CNTNAP2: variants seen among roughly 807,000 people sequenced by gnomAD.
The protein encoded by CNTNAP2 is contactin-associated protein-like 2.
In CNTNAP2, 98 loss-of-function variants were observed where a neutral mutation model predicts 155.2. The observed-to-expected ratio is 0.63, with a 90% CI of 0.54 to 0.75. The LOEUF (loss-of-function observed/expected upper bound fraction) is 0.75. Ranked by LOEUF, CNTNAP2 falls within the 30% of genes least tolerant of loss-of-function variation. CNTNAP2 has a pLI of 0.00. For missense variants in CNTNAP2, 1,727 were observed against 1,688.1 expected, an observed-to-expected ratio of 1.02 and a Z score of -0.40; for synonymous variants, 651 against 631.2, an observed-to-expected ratio of 1.03 and a Z score of -0.47.
chr7:147,122,808 T>G (rs1321579217), intron 6 of CNTNAP2: 1 of 152,228 alleles, frequency 6.6e-6, no homozygotes, highest in African/African-American at 2.4e-5. Context: ...CTGCACCACC[T>G]TCATGTTCCT....
At chr7:146,343,657 A>G (rs568353651) in intron 1 of CNTNAP2, among the ~76,000 whole-genome samples, 1 of 152,330 alleles carries the variant, frequency 6.6e-6, no homozygotes, top group East Asian at 1.9e-4. Flanking sequence ...ATTTAAGACA[A>G]TCTGAGATGA....
chr7:147,281,242 G>T (rs1400766069), intron 8 of CNTNAP2, among the ~76,000 whole-genome samples: 1 of 151,748 alleles, frequency 6.6e-6, no homozygotes, highest in East Asian at 1.9e-4. Flanking sequence ...TTTTTATAAC[G>T]AATCATCAGC....
intron 3 of CNTNAP2, among the ~76,000 whole-genome samples, chr7:146,930,134 T>C (rs1796714728): frequency 6.6e-6 from 1 of 151,978 alleles, no homozygotes; most frequent in African/African-American, 2.4e-5. Flanking sequence ...AGACACATAA[T>C]TGTCAATTCA....
At chr7:146,163,726 T>G (rs1271379760) in intron 1 of CNTNAP2, among the ~76,000 whole-genome samples, 1 of 145,298 alleles carries the variant, frequency 6.9e-6, no homozygotes, top group East Asian at 2.0e-4. Context: ...CCATACTGGG[T>G]AAAAAAAAAG....
chr7:146,741,496 T>A (rs915827596), intron 1 of CNTNAP2, among the ~76,000 whole-genome samples: 4 of 152,172 alleles, frequency 2.6e-5, no homozygotes, highest in Non-Finnish European at 4.4e-5. Flanking sequence ...AATTTATACA[T>A]AATAGTGTAT....
At chr7:147,514,464 T>A (rs1414674022) in intron 11 of CNTNAP2, among the ~76,000 whole-genome samples, 1 of 152,048 alleles carries the variant, frequency 6.6e-6, no homozygotes, top group East Asian at 1.9e-4. Flanking sequence ...GTTTCTTGTT[T>A]TTCAAGCTTT....
chr7:147,347,891 C>T (rs1795904490), intron 9 of CNTNAP2, among the ~76,000 whole-genome samples: 1 of 151,944 alleles, frequency 6.6e-6, no homozygotes, highest in Non-Finnish European at 1.5e-5. Context: ...TCTATACAGC[C>T]AGCTGGTTTA....
intron 16 of CNTNAP2, among the ~76,000 whole-genome samples, chr7:148,143,760 G>A (rs1194206995): frequency 6.6e-6 from 1 of 152,190 alleles, no homozygotes; most frequent in East Asian, 1.9e-4. Context: ...TCTGTCCTCT[G>A]TATCTCTGAC....
intron 1 of CNTNAP2, among the ~76,000 whole-genome samples, chr7:146,736,958 T>G (rs894804283): frequency 1.3e-5 from 2 of 152,112 alleles, no homozygotes; most frequent in African/African-American, 4.8e-5. Flanking sequence ...TTCAGGTATG[T>G]TAGAGAGAAC....
chr7:147,347,500 ATGTGTGTG>A (rs1407391848), intron 9 of CNTNAP2, among the ~76,000 whole-genome samples: 1 of 121,330 alleles, frequency 8.2e-6, no homozygotes, highest in African/African-American at 2.7e-5. Flanking sequence ...ATGCATATAT[ATGTGTGTG>A]TGTGTGTAGC....
chr7:147,401,073 C>T (rs700312), intron 10 of CNTNAP2, among the ~76,000 whole-genome samples: 19,353 of 152,078 alleles, frequency 0.13, 1,483 homozygotes, highest in East Asian at 0.32. Flanking sequence ...AGGTTGAAAT[C>T]TGGGGACTAA....
chr7:148,285,376 T>A (rs369770394), intron 21 of CNTNAP2, among the ~76,000 whole-genome samples: 2 of 152,278 alleles, frequency 1.3e-5, no homozygotes, highest in Non-Finnish European at 2.9e-5. Flanking sequence ...CTTTATTGAC[T>A]GGGAGGAATT....
rs536568421 is a variant in CNTNAP2 at position 146,562,739 on chromosome 7, T to C, written c.98-211532T>C. Among the ~76,000 whole-genome samples, 6 of 152,276 alleles carry C rather than the reference T, an allele frequency of 3.9e-5. No homozygotes were observed. The South Asian group carries it at 1.2e-3, about 32-fold the overall frequency. On this transcript the variant is annotated intron_variant, in intron 1 of 23. Coordinates refer to ENST00000361727, the MANE Select transcript of CNTNAP2 (RefSeq NM_014141.6). Reference sequence around the variant, plus strand: ...CAAAAAATACAGTTTCCAAAATATATTTTTCACTAAATCTATGGCTAAAAT... The same window carrying C: ...CAAAAAATACAGTTTCCAAAATATACTTTTCACTAAATCTATGGCTAAAAT...
chr7:147,353,064 T>TATATAAA (rs1795994800), intron 9 of CNTNAP2, among the ~76,000 whole-genome samples: 2 of 150,306 alleles, frequency 1.3e-5, no homozygotes, highest in African/African-American at 4.9e-5. Context: ...CAACTCTGTT[T>TATATAAA]CAGCATGTAG....
intron 19 of CNTNAP2, among the ~76,000 whole-genome samples, chr7:148,218,580 T>A (rs1016728478): frequency 1.3e-5 from 2 of 151,760 alleles, no homozygotes; most frequent in African/African-American, 2.4e-5. Flanking sequence ...ATTTGTAGAG[T>A]TGGGGGTCTC....
At chr7:147,431,276 A>G (rs1396117454) in intron 10 of CNTNAP2, among the ~76,000 whole-genome samples, 1 of 152,118 alleles carries the variant, frequency 6.6e-6, no homozygotes, top group Non-Finnish European at 1.5e-5. Context: ...ATGTAAAACA[A>G]TCAATAAATT....
chr7:147,510,850 C>CATATATATATATAT lies in CNTNAP2; in HGVS notation c.1777+24817_1777+24830dup, dbSNP rs61069153. ...AGTGCTCCTGTGATGGGCCTACAAC[C>CATATATATATATAT]ATATATATATATATATATATAATGC... On this transcript the variant is annotated intron_variant, in intron 11 of 23. Transcript: ENST00000361727. 7.5e-3 allele frequency among the ~76,000 whole-genome samples: 570 copies of CATATATATATATAT among 76,362 alleles called. 45 individuals are homozygous for CATATATATATATAT. Among genetic ancestry groups the CATATATATATATAT allele is most frequent in the African/African-American group, 0.025 (398 of 16,144 alleles). The allele number at this position is 76,362 out of a possible 152,430, so 50.1% of individuals were successfully genotyped here.
chr7:147,138,025 C>T (rs1426244923), intron 8 of CNTNAP2, among the ~76,000 whole-genome samples: 1 of 151,818 alleles, frequency 6.6e-6, no homozygotes, highest in African/African-American at 2.4e-5. Flanking sequence ...TAAATCATCA[C>T]TTTATTCCCA....
chr7:147,143,629 C>T (rs1236574229), intron 8 of CNTNAP2, among the ~76,000 whole-genome samples: 1 of 151,924 alleles, frequency 6.6e-6, no homozygotes, highest in East Asian at 1.9e-4. Context: ...ATTCTGTTAT[C>T]TTCATCAGTT....
Sources: allele counts gnomAD v4.1 joint callset (sites outside exome capture counted in the v4.1 genomes callset), GRCh38; gene constraint gnomAD v4.1.1; transcripts MANE v1.5; gene names NCBI Gene and HGNC (gene_info 2026-07-23, HGNC 2026-07-21).